The following CDK13 variants were observed in gnomAD, a reference collection of about 807,000 sequenced individuals.
CDK13 encodes cyclin dependent kinase 13, also known as cyclin-dependent kinase 13.
CDK13 carries 40 observed loss-of-function variants against 137.6 expected under a neutral mutation model. That is an observed-to-expected ratio of 0.29 (90% CI 0.23 to 0.38). The LOEUF (loss-of-function observed/expected upper bound fraction) is 0.38. Ranked by LOEUF, CDK13 falls within the 10% of genes least tolerant of loss-of-function variation. The probability of loss-of-function intolerance (pLI) is 1.00; values close to 1 mark genes in which losing one functional copy is unlikely to be tolerated. For missense variants in CDK13, 1,704 were observed against 1,951.8 expected (o/e 0.87, Z 2.39); for synonymous variants, 869 against 760.1 (o/e 1.14, Z -2.36).
chr7:40,058,866 G>A (rs1157050331), intron 7 of CDK13, among the ~76,000 whole-genome samples: 1 of 152,076 alleles, frequency 6.6e-6, no homozygotes, highest in African/African-American at 2.4e-5. Flanking sequence ...AGATGACATG[G>A]CATTTTGTGT....
chr7:39,963,151 T>A (rs1036366656), intron 1 of CDK13, among the ~76,000 whole-genome samples: 31 of 152,190 alleles, frequency 2.0e-4, no homozygotes, highest in African/African-American at 7.5e-4. Flanking sequence ...TTTTTTCCAA[T>A]TCTGTGAAGA....
At chr7:40,080,054 C>T (rs1264272149) in intron 11 of CDK13, among the ~76,000 whole-genome samples, 7 of 152,184 alleles carry the variant, frequency 4.6e-5, no homozygotes, top group African/African-American at 1.7e-4. Flanking sequence ...GTGGCACGAT[C>T]TCAGCTCACT....
At chr7:40,047,689 T>C (rs1262629283) in intron 6 of CDK13, 132 bp from the exon 7 acceptor site, 5 of 598,292 alleles carry the variant, frequency 8.4e-6, no homozygotes, top group Admixed American at 2.5e-5. Context: ...CTTGATGATA[T>C]TGCAGTGTGA....
Position 39,951,389 on chromosome 7 carries a change from A to G in CDK13, c.748A>G (p.Ser250Gly), listed in dbSNP as rs543202207. 2.3e-5 allele frequency: 34 copies of G among 1,498,656 alleles called. No homozygotes were observed. The highest frequency in any genetic ancestry group is 8.8e-5 in the South Asian group (7 of 79,204). The allele number at this position is 1,498,656 out of a possible 1,614,324, so 92.8% of individuals were successfully genotyped here. ...EERAEVAKSG[S>G]SSSSGGRRKS... ...ACGGGCCGAGGTCGCCAAGAGCGGC[A>G]GCAGCAGCAGCAGCGGCGGCCGCCG... The change falls in exon 1 of 14, where the codon AGC becomes GGC. Residue 250 changes from serine to glycine, a missense_variant. Ser to Gly is a moderately conservative substitution (Grantham distance 56). Transcript: ENST00000181839.
At chr7:40,073,570 C>CTT (rs1211574463) in intron 9 of CDK13, 1 of 148,892 alleles carries the variant, frequency 6.7e-6, no homozygotes, top group African/African-American at 2.5e-5. Context: ...TTTTCTTTTT[C>CTT]TTTCTTTTTC....
At position 40,088,081 on chromosome 7, in the gene CDK13, T is replaced by G. The variant is rs187235124; in HGVS notation, c.3030-45T>G. On this transcript the variant is annotated intron_variant, in intron 11 of 13. Coordinates refer to ENST00000181839, the MANE Select transcript of CDK13 (RefSeq NM_003718.5). ...GCTATATAGTAACTGTAGCATTTTT[T>G]GTTAAGAAATGCCATTTACAATTTA... 11 of 1,542,820 alleles carry G rather than the reference T, an allele frequency of 7.1e-6. No homozygotes were observed. In the Admixed American group the frequency reaches 2.0e-4, roughly 28 times the overall value.
chr7:40,003,927 T>C (rs1312756968), intron 5 of CDK13, among the ~76,000 whole-genome samples: 2 of 152,130 alleles, frequency 1.3e-5, no homozygotes, highest in Non-Finnish European at 2.9e-5. Flanking sequence ...CTTCCCACTT[T>C]CTACTACGTA....
In CDK13 at chr7:40,095,055, A is replaced by G. The variant is rs112852266; in HGVS notation, c.*75A>G. 2.7e-4 allele frequency: 326 copies of G among 1,209,606 alleles called. No individual in the cohort carries two copies. The African/African-American group carries it at 4.6e-3, about 17-fold the overall frequency. The allele number at this position is 1,209,606 out of a possible 1,614,324, so 74.9% of individuals were successfully genotyped here. On this transcript the variant is annotated 3_prime_UTR_variant, in exon 14 of 14. Transcript: ENST00000181839. ...AGCTGCAATTTAAGGCAGCAATCCAAGAGACTTGAATAATAATAATTCAAC... is the reference window on the plus strand; with the variant it reads ...AGCTGCAATTTAAGGCAGCAATCCAGGAGACTTGAATAATAATAATTCAAC...
chr7:39,963,231 T>C (rs184464209), intron 1 of CDK13, among the ~76,000 whole-genome samples: 1 of 152,152 alleles, frequency 6.6e-6, no homozygotes, highest in African/African-American at 2.4e-5. Context: ...GCCATTTTCA[T>C]GATATTGATT....
In CDK13 at chr7:39,987,943, A is replaced by C; in HGVS notation, c.1556A>C (p.Lys519Thr). The change falls in exon 2 of 14, where the codon AAA becomes ACA. Residue 519 changes from lysine (K) to threonine (T), a missense_variant. This residue lies in a region of CDK13 where 1,051 missense variants were observed against 931.0 expected (regional missense o/e 1.13). Coordinates refer to ENST00000181839, the MANE Select transcript of CDK13 (RefSeq NM_003718.5). Reference protein sequence around the residue: ...TNHVKDVKKIKIEHAPSPSSG... With the variant: ...TNHVKDVKKITIEHAPSPSSG... Reference sequence around the variant, plus strand: ...CATGTGAAGGATGTGAAGAAAATTAAAATTGAACATGCACCTTCTCCCTCA... The same window carrying C: ...CATGTGAAGGATGTGAAGAAAATTACAATTGAACATGCACCTTCTCCCTCA... 1 of 1,614,220 alleles carries C rather than the reference A, an allele frequency of 6.2e-7. No individual in the cohort carries two copies. The highest frequency in any genetic ancestry group is 8.5e-7 in the Non-Finnish European group (1 of 1,180,032).
At chr7:40,050,193 G>T (rs1257234033) in intron 7 of CDK13, among the ~76,000 whole-genome samples, 1 of 152,088 alleles carries the variant, frequency 6.6e-6, no homozygotes, top group African/African-American at 2.4e-5. Flanking sequence ...CTATTGTGAA[G>T]GGTTGAGTGA....
chr7:40,066,051 C>A (rs1205694876), intron 9 of CDK13, among the ~76,000 whole-genome samples: 1 of 152,012 alleles, frequency 6.6e-6, no homozygotes, highest in Non-Finnish European at 1.5e-5. Context: ...AAAACAACAA[C>A]AACAAATTAG....
Position 40,078,071 on chromosome 7 carries a change from C to G in CDK13, c.2847C>G (p.Thr949=). The part of the protein sequence containing the change: ...PDVIKLPYFN[T]MKPKKQYRRK... ...TAATCAAACTACCATATTTCAACAC[C>G]ATGAAACCAAAGAAGCAATATCGTC... The change falls in exon 10 of 14, where the codon ACC becomes ACG. Residue 949 remains threonine, a synonymous_variant. Coordinates refer to ENST00000181839, the MANE Select transcript of CDK13 (RefSeq NM_003718.5). 2.5e-6 allele frequency: 4 copies of G among 1,603,160 alleles called. No homozygotes were observed. The highest frequency in any genetic ancestry group is 3.4e-6 in the Non-Finnish European group (4 of 1,176,126).
At position 40,054,812 on chromosome 7, in the gene CDK13, G is replaced by A. The variant is rs73392743; in HGVS notation, c.2600+6935G>A. On this transcript the variant is annotated intron_variant, in intron 7 of 13. Transcript: ENST00000181839. ...ATTGTTTGATTTTGTTTTCTAATGT[G>A]TTACTTTCCTGGCAGACAAAGAAAT... is the stretch of plus-strand genomic sequence containing the variant. 6.2e-3 allele frequency among the ~76,000 whole-genome samples: 947 copies of A among 152,256 alleles called. 13 individuals carry two copies. Among genetic ancestry groups the A allele is most frequent in the African/African-American group, 0.021 (875 of 41,556 alleles).
At chr7:40,018,991 C>A (rs1428658238) in intron 5 of CDK13, among the ~76,000 whole-genome samples, 1 of 152,054 alleles carries the variant, frequency 6.6e-6, no homozygotes, top group East Asian at 1.9e-4. Context: ...AATATCTCAA[C>A]AATAGAGAAT....
intron 13 of CDK13, 71 bp from the exon 14 acceptor site, chr7:40,094,059 A>G: frequency 6.5e-7 from 1 of 1,527,804 alleles, no homozygotes; most frequent in Admixed American, 2.0e-5. Context: ...ACCTACAGGA[A>G]ACACTGAGTA....
At chr7:40,049,675 T>A (rs1247280037) in intron 7 of CDK13, among the ~76,000 whole-genome samples, 2 of 152,144 alleles carry the variant, frequency 1.3e-5, no homozygotes, top group Admixed American at 6.5e-5. Context: ...GTACAATAAA[T>A]CTCTTGAATT....
chr7:40,015,860 C>T (rs1222376281), intron 5 of CDK13, among the ~76,000 whole-genome samples: 1 of 151,950 alleles, frequency 6.6e-6, no homozygotes, highest in South Asian at 2.1e-4. Flanking sequence ...AAGAAAAAAA[C>T]GAGTCATTGG....
intron 1 of CDK13, among the ~76,000 whole-genome samples, chr7:39,953,292 C>T (rs1027704748): frequency 6.6e-6 from 1 of 152,150 alleles, no homozygotes; most frequent in Non-Finnish European, 1.5e-5. Flanking sequence ...TCAAAATTAG[C>T]CATTGTATCT....
Sources: allele counts gnomAD v4.1 joint callset (sites outside exome capture counted in the v4.1 genomes callset), GRCh38; gene constraint gnomAD v4.1.1; regional missense constraint gnomAD v4.1.1; transcripts MANE v1.5; gene names NCBI Gene and HGNC (gene_info 2026-07-23, HGNC 2026-07-21).